PAK3: variants seen among roughly 807,000 people sequenced by gnomAD.
PAK3 encodes serine/threonine-protein kinase PAK 3.
Under a neutral mutation model 41.0 loss-of-function variants are expected in PAK3, and 4 were observed. That is an observed-to-expected ratio of 0.10 (90% CI 0.05 to 0.22). The LOEUF (loss-of-function observed/expected upper bound fraction) is 0.22. Ranked by LOEUF, PAK3 falls within the 10% of genes least tolerant of loss-of-function variation. The probability of loss-of-function intolerance (pLI) is 1.00; values close to 1 mark genes in which losing one functional copy is unlikely to be tolerated. For missense variants in PAK3, 205 were observed against 409.9 expected (o/e 0.50, Z 4.32); for synonymous variants, 146 against 139.6 (o/e 1.05, Z -0.32).
chrX:111,095,757 G>A (rs1407277214), upstream of PAK3, among the ~76,000 whole-genome samples: 1 of 111,504 alleles, frequency 9.0e-6, no homozygotes, highest in African/African-American at 3.3e-5. Context: ...TGGCTGACAG[G>A]TGGTGTCCCA....
intron 8 of PAK3, among the ~76,000 whole-genome samples, chrX:111,160,591 T>C (rs1201911782): frequency 9.2e-6 from 1 of 108,792 alleles, no homozygotes. Context: ...GCATTAGGTA[T>C]ATCACCTAAT....
chrX:111,079,201 A>T (rs750435925), intron 1 of PAK3, among the ~76,000 whole-genome samples: 1 of 112,248 alleles, frequency 8.9e-6, no homozygotes, highest in South Asian at 3.7e-4. Flanking sequence ...TCAATATAAC[A>T]AAACAGCCCT....
intron 4 of PAK3, among the ~76,000 whole-genome samples, chrX:111,117,957 T>C (rs2093495095): frequency 9.0e-6 from 1 of 111,172 alleles, no homozygotes; most frequent in Admixed American, 9.6e-5. Context: ...AGTTTGGGAA[T>C]GGTAGTGTGG....
At chrX:111,011,040 G>A (rs1416037577) in intron 1 of PAK3, among the ~76,000 whole-genome samples, 1 of 111,993 alleles carries the variant, frequency 8.9e-6, no homozygotes, top group Non-Finnish European at 1.9e-5. Flanking sequence ...TTAACTTGAG[G>A]TGATAAATTT....
At chrX:111,207,955 C>T (rs755778787) in intron 16 of PAK3, among the ~76,000 whole-genome samples, 1 of 112,085 alleles carries the variant, frequency 8.9e-6, no homozygotes, top group East Asian at 2.8e-4. Context: ...CCACCACACT[C>T]AGCTAATTTT....
intron 11 of PAK3, among the ~76,000 whole-genome samples, chrX:111,182,926 G>T (rs754514245): frequency 1.8e-5 from 2 of 111,561 alleles, no homozygotes; most frequent in Non-Finnish European, 3.8e-5. Context: ...CCATGTCCTG[G>T]TACAAACTAA....
intron 3 of PAK3, 136 bp from the exon 4 acceptor site, chrX:111,103,023 G>A (rs2148901546): frequency 9.0e-6 from 1 of 111,499 alleles, no homozygotes; most frequent in African/African-American, 3.3e-5. Context: ...GTGTGTGTGT[G>A]TGTGTATGAG....
chrX:111,199,896 G>T (rs2094660576), intron 16 of PAK3, among the ~76,000 whole-genome samples: 1 of 111,870 alleles, frequency 8.9e-6, no homozygotes, highest in Non-Finnish European at 1.9e-5. Context: ...TGAAAGAAAT[G>T]CTTACTCAGT....
chrX:111,189,357 C>G (rs2094541828), intron 11 of PAK3, among the ~76,000 whole-genome samples: 1 of 111,756 alleles, frequency 8.9e-6, no homozygotes, highest in Non-Finnish European at 1.9e-5. Context: ...CATGTCTTTG[C>G]TATCATGAAT....
chrX:111,131,981 T>A (rs534891869), intron 5 of PAK3, among the ~76,000 whole-genome samples: 1 of 108,125 alleles, frequency 9.2e-6, no homozygotes, highest in South Asian at 3.9e-4. Context: ...CAAAATGGCA[T>A]TTTTTTTTAA....
chrX:111,163,198 T>C (rs997024196), intron 9 of PAK3, 152 bp downstream of exon 9: 17 of 562,469 alleles, frequency 3.0e-5, no homozygotes, highest in Non-Finnish European at 3.6e-5. Context: ...TTGAGGATAC[T>C]GTTTGAGGAT....
chrX:111,212,536 A>C (rs1440591561), intron 16 of PAK3, among the ~76,000 whole-genome samples: 1 of 111,962 alleles, frequency 8.9e-6, no homozygotes, highest in African/African-American at 3.2e-5. Flanking sequence ...AGGCCAGTCC[A>C]CAAAAGCCAG....
At chrX:111,107,882 G>A (rs2093302355) in intron 4 of PAK3, among the ~76,000 whole-genome samples, 1 of 112,086 alleles carries the variant, frequency 8.9e-6, no homozygotes, top group African/African-American at 3.2e-5. Flanking sequence ...TATCAATACA[G>A]ACCCAGTGTC....
intron 6 of PAK3, among the ~76,000 whole-genome samples, chrX:111,145,934 G>C (rs764931608): frequency 2.6e-4 from 29 of 111,741 alleles, no homozygotes; most frequent in African/African-American, 8.8e-4. Flanking sequence ...TCTTTATCTA[G>C]TTTTCTCTAA....
At position 111,036,919 on chromosome X, in the gene PAK3, A is replaced by G. The variant is rs757071061; in HGVS notation, c.-27-86158A>G. Among the ~76,000 whole-genome samples the G allele has an allele frequency of 3.6e-5, 4 of 111,863 alleles. No homozygotes were observed. The East Asian group carries it at 1.1e-3, about 31-fold the overall frequency. Reference sequence around the variant, plus strand: ...TAGATATTGTTTGAATCTTTTGCCCATTTAACCATTAGAGTCTTAGGTTTT... The same window carrying G: ...TAGATATTGTTTGAATCTTTTGCCCGTTTAACCATTAGAGTCTTAGGTTTT... On this transcript the variant is annotated intron_variant, in intron 1 of 14. Transcript: ENST00000425146.
At chrX:111,034,679 G>A (rs769859260) in intron 1 of PAK3, among the ~76,000 whole-genome samples, 32 of 111,532 alleles carry the variant, frequency 2.9e-4, no homozygotes, top group Non-Finnish European at 5.5e-4. Flanking sequence ...GATGTGTTAG[G>A]ACTTGTAGTG....
intron 4 of PAK3, among the ~76,000 whole-genome samples, chrX:111,112,041 C>T (rs1371881168): frequency 9.0e-6 from 1 of 111,359 alleles, no homozygotes; most frequent in Non-Finnish European, 1.9e-5. Flanking sequence ...ACATCTGACT[C>T]CATAGGAAAA....
At chrX:111,072,100 G>A (rs1403665726) in intron 1 of PAK3, among the ~76,000 whole-genome samples, 1 of 111,919 alleles carries the variant, frequency 8.9e-6, no homozygotes, top group Non-Finnish European at 1.9e-5. Flanking sequence ...ATTTCAAGGG[G>A]TTAAGATTAA....
chrX:111,161,735 A>G (rs2094192248), intron 8 of PAK3, among the ~76,000 whole-genome samples: 1 of 102,261 alleles, frequency 9.8e-6, no homozygotes, highest in Non-Finnish European at 1.9e-5. Context: ...TCCTTTCCCC[A>G]TTGCTTGTTT....
Sources: gnomAD v4.1 joint callset for allele counts (sites outside exome capture counted in the v4.1 genomes callset) on GRCh38, gnomAD v4.1.1 for gene constraint, MANE v1.5 for transcripts, NCBI Gene and HGNC (gene_info 2026-07-23, HGNC 2026-07-21) for gene names.